The following XKR6 variants were observed in gnomAD, a reference collection of about 807,000 sequenced individuals.
The protein encoded by XKR6 is XK-related protein 6.
A neutral mutation model predicts 56.7 loss-of-function variants in XKR6; 22 were observed. The observed-to-expected ratio is 0.39, with a 90% CI of 0.28 to 0.55. XKR6 has a LOEUF of 0.55. Among genes scored for constraint, XKR6 ranks in the 20% least tolerant of loss-of-function variants. The pLI, the probability that XKR6 is intolerant of heterozygous loss-of-function variation, is 0.66. For synonymous variants in XKR6, 524 were observed against 387.8 expected, an observed-to-expected ratio of 1.35 and a Z score of -4.13; for missense variants, 852 against 889.0, an observed-to-expected ratio of 0.96 and a Z score of 0.53.
chr8:10,960,016 GC>G (rs1802013858), intron 1 of XKR6, among the ~76,000 whole-genome samples: 1 of 152,054 alleles, frequency 6.6e-6, no homozygotes, highest in Non-Finnish European at 1.5e-5. Flanking sequence ...TCAGGGGGGG[GC>G]CTCCTTAAAA....
chr8:11,004,637 C>T (rs1347998657), intron 1 of XKR6, among the ~76,000 whole-genome samples: 6 of 152,172 alleles, frequency 3.9e-5, no homozygotes, highest in Non-Finnish European at 7.3e-5. Flanking sequence ...ACAGTGGAAC[C>T]CTCTGCAGTT....
At chr8:10,975,225 G>A (rs1016733914) in intron 1 of XKR6, among the ~76,000 whole-genome samples, 5 of 152,182 alleles carry the variant, frequency 3.3e-5, no homozygotes, top group African/African-American at 7.2e-5. Flanking sequence ...ACGATCCCTT[G>A]GCTGCCCCGG....
intron 1 of XKR6, among the ~76,000 whole-genome samples, chr8:11,094,247 G>T (rs1486690401): frequency 1.3e-5 from 2 of 152,114 alleles, no homozygotes; most frequent in African/African-American, 4.8e-5. Flanking sequence ...ACATATATAT[G>T]TATGTATCTC....
intron 1 of XKR6, among the ~76,000 whole-genome samples, chr8:11,119,106 T>C (rs1704853695): frequency 1.3e-5 from 2 of 152,150 alleles, no homozygotes; most frequent in South Asian, 4.2e-4. Flanking sequence ...AGTTTCCATG[T>C]AGTTGAGCAG....
intron 1 of XKR6, among the ~76,000 whole-genome samples, chr8:11,181,434 C>T (rs1207811107): frequency 6.6e-6 from 1 of 152,152 alleles, no homozygotes; most frequent in East Asian, 1.9e-4. Flanking sequence ...ATATTATCAA[C>T]CTAAAACTAG....
intron 2 of XKR6, among the ~76,000 whole-genome samples, chr8:10,912,712 CAT>C (rs1800437178): frequency 3.7e-5 from 5 of 134,046 alleles, no homozygotes; most frequent in South Asian, 2.4e-4. Flanking sequence ...TATATACACA[CAT>C]AGAGAGAATG....
chr8:11,159,928 C>A (rs1178240529), intron 1 of XKR6, among the ~76,000 whole-genome samples: 1 of 152,072 alleles, frequency 6.6e-6, no homozygotes, highest in Non-Finnish European at 1.5e-5. Context: ...AAGGGCAAGC[C>A]AAAAGCAGAT....
intron 1 of XKR6, chr8:11,123,696 AT>A (rs944613996): frequency 3.6e-5 from 13 of 362,992 alleles, no homozygotes; most frequent in African/African-American, 2.8e-4. Context: ...TATATTTCAT[AT>A]TTTTCAAGAG....
chr8:11,140,237 A>G (rs1382547805), intron 1 of XKR6, among the ~76,000 whole-genome samples: 1 of 152,218 alleles, frequency 6.6e-6, no homozygotes, highest in Non-Finnish European at 1.5e-5. Flanking sequence ...TAAAAGCAAC[A>G]ATGAAGCAAT....
intron 1 of XKR6, among the ~76,000 whole-genome samples, chr8:11,060,352 C>T (rs1481768738): frequency 6.6e-6 from 1 of 152,196 alleles, no homozygotes; most frequent in East Asian, 1.9e-4. Context: ...TCCAGGCCTC[C>T]CCGCATCCAG....
chr8:11,167,435 C>T (rs955987321), intron 1 of XKR6, among the ~76,000 whole-genome samples: 1 of 152,158 alleles, frequency 6.6e-6, no homozygotes, highest in Non-Finnish European at 1.5e-5. Context: ...TGACAAGGTT[C>T]ATGCTTAAAA....
intron 1 of XKR6, among the ~76,000 whole-genome samples, chr8:11,148,931 G>T (rs1801129666): frequency 6.6e-6 from 1 of 152,202 alleles, no homozygotes; most frequent in Admixed American, 6.5e-5. Context: ...AAGACAGTGT[G>T]TAATTCCATC....
intron 2 of XKR6, among the ~76,000 whole-genome samples, chr8:10,911,091 G>A (rs1382421233): frequency 6.6e-6 from 1 of 152,112 alleles, no homozygotes; most frequent in Non-Finnish European, 1.5e-5. Context: ...GTCCAGCCAT[G>A]TGGACCTGGG....
intron 1 of XKR6, among the ~76,000 whole-genome samples, chr8:10,957,189 C>T (rs906685161): frequency 1.3e-5 from 2 of 152,136 alleles, no homozygotes; most frequent in Non-Finnish European, 1.5e-5. Context: ...GACCTCAGAT[C>T]ATCCACCAGC....
intron 1 of XKR6, among the ~76,000 whole-genome samples, chr8:10,970,415 G>A (rs1281281003): frequency 1.3e-5 from 2 of 152,096 alleles, no homozygotes; most frequent in African/African-American, 2.4e-5. Flanking sequence ...ATGATACTGT[G>A]AATATTTATT....
chr8:11,085,921 C>T (rs979599677), intron 1 of XKR6, among the ~76,000 whole-genome samples: 2 of 152,188 alleles, frequency 1.3e-5, no homozygotes, highest in East Asian at 1.9e-4. Flanking sequence ...AGGTGGGACC[C>T]AGGAATCTGC....
intron 1 of XKR6, among the ~76,000 whole-genome samples, chr8:10,994,766 T>A (rs999632093): frequency 6.6e-6 from 1 of 152,190 alleles, no homozygotes; most frequent in Non-Finnish European, 1.5e-5. Context: ...CTTTAGCAAT[T>A]TGTCTGAGTT....
rs149776635 is a variant in XKR6 at position 11,085,067 on chromosome 8, G to A, written c.764+115509C>T. 3.7e-3 allele frequency among the ~76,000 whole-genome samples: 569 copies of A among 151,984 alleles called. 1 individual carries two copies. Among genetic ancestry groups the A allele is most frequent in the Non-Finnish European group, 5.7e-3 (384 of 67,938 alleles). On this transcript the variant is annotated intron_variant, in intron 1 of 2. Transcript: ENST00000416569. ...ATCCAGCCTTTGCCAGCCTTCCTTC[G>A]TCCCCTTGGCTTCCTCCTCCGCCTC...
rs200577805 is a variant in XKR6 at position 11,098,908 on chromosome 8, G to GA, written c.764+101667dup. On this transcript the variant is annotated intron_variant, in intron 1 of 2. Transcript: ENST00000416569. ...GAAACTTCTGGAACATTCCCCCATG[G>GA]AAAAAAAAATGATTATTAGGTTCTG... Among the ~76,000 whole-genome samples, 876 of 150,264 alleles carry GA rather than the reference G, an allele frequency of 5.8e-3. 13 individuals are homozygous for GA. Among genetic ancestry groups the GA allele is most frequent in the African/African-American group, 0.019 (781 of 40,962 alleles).
Sources: gnomAD v4.1 joint callset for allele counts (sites outside exome capture counted in the v4.1 genomes callset) on GRCh38, gnomAD v4.1.1 for gene constraint, MANE v1.5 for transcripts, NCBI Gene and HGNC (gene_info 2026-07-23, HGNC 2026-07-21) for gene names.